Variants in VPS41 observed in about 807,000 individuals in gnomAD.
VPS41 encodes vacuolar protein sorting-associated protein 41 homolog.
Under a neutral mutation model 130.9 loss-of-function variants are expected in VPS41, and 85 were observed. The observed-to-expected ratio is 0.65, with a 90% CI of 0.55 to 0.78. The LOEUF is 0.78. Ranked by LOEUF, VPS41 falls within the 30% of genes least tolerant of loss-of-function variation. VPS41 has a pLI of 0.00. For synonymous variants in VPS41, 335 were observed against 332.9 expected, an observed-to-expected ratio of 1.01 and a Z score of -0.07; for missense variants, 874 against 1,018.7, an observed-to-expected ratio of 0.86 and a Z score of 1.93.
intron 14 of VPS41, among the ~76,000 whole-genome samples, chr7:38,770,986 T>G (rs1428271622): frequency 6.6e-6 from 1 of 152,186 alleles, no homozygotes; most frequent in African/African-American, 2.4e-5. Flanking sequence ...AGTTTCCAAA[T>G]TACCTAAAAC....
intron 2 of VPS41, among the ~76,000 whole-genome samples, chr7:38,871,898 A>T (rs59626436): frequency 6.6e-6 from 1 of 152,084 alleles, no homozygotes; most frequent in Non-Finnish European, 1.5e-5. Context: ...TAGGTTCAAG[A>T]AATCTTCTCG....
At chr7:38,767,707 C>A in intron 14 of VPS41, 109 bp from the exon 15 acceptor site, 1 of 619,070 alleles carries the variant, frequency 1.6e-6, no homozygotes, top group Non-Finnish European at 2.8e-6. Context: ...GCTCTACTGA[C>A]TATAACCTGT....
intron 3 of VPS41, among the ~76,000 whole-genome samples, chr7:38,866,900 G>C (rs1296659569): frequency 2.0e-5 from 3 of 152,134 alleles, no homozygotes; most frequent in Admixed American, 6.5e-5. Flanking sequence ...CCAGAATTTA[G>C]AATCAGCAAA....
chr7:38,809,487 TAC>T (rs555825749), intron 7 of VPS41, among the ~76,000 whole-genome samples: 10 of 151,916 alleles, frequency 6.6e-5, no homozygotes, highest in Admixed American at 6.6e-4. Context: ...TTTAAATATT[TAC>T]AGTTTTATAA....
At position 38,868,652 on chromosome 7, in the gene VPS41, C is replaced by T. The variant is rs117360074; in HGVS notation, c.168+494G>A. Among the ~76,000 whole-genome samples the T allele has an allele frequency of 2.2e-4, 34 of 152,172 alleles. No homozygotes were observed. The East Asian group carries it at 6.2e-3, about 28-fold the overall frequency. ...GGTGAGAGCTTTGTTACGGCAAGGA[C>T]CCAGATGTGGAATAAATTCATTCAT... On this transcript the variant is annotated intron_variant, in intron 3 of 28. Coordinates refer to ENST00000310301, the MANE Select transcript of VPS41 (RefSeq NM_014396.4).
At chr7:38,881,105 C>T (rs115134831) in intron 2 of VPS41, among the ~76,000 whole-genome samples, 2 of 152,120 alleles carry the variant, frequency 1.3e-5, no homozygotes, top group Admixed American at 1.3e-4. Context: ...TAGTATGAAG[C>T]GACACAAATT....
chr7:38,901,143 T>C lies in VPS41; in HGVS notation c.22-3014A>G, dbSNP rs189973772. 1.7e-4 allele frequency among the ~76,000 whole-genome samples: 26 copies of C among 152,214 alleles called. No homozygotes were observed. In the East Asian group the frequency reaches 5.0e-3, roughly 29 times the overall value. ...AATAAGCAAGACACAAAAGGACAAA[T>C]ATTGCATGATTCCACTTATATAACA... On this transcript the variant is annotated intron_variant, in intron 1 of 28. Coordinates refer to ENST00000310301, the MANE Select transcript of VPS41 (RefSeq NM_014396.4).
intron 4 of VPS41, among the ~76,000 whole-genome samples, chr7:38,859,443 T>A (rs2116298342): frequency 6.6e-6 from 1 of 152,282 alleles, no homozygotes; most frequent in South Asian, 2.1e-4. Context: ...TAAGTTCCAT[T>A]CATGATAAGT....
chr7:38,826,286 T>G (rs576263584), intron 5 of VPS41, among the ~76,000 whole-genome samples: 9 of 152,298 alleles, frequency 5.9e-5, no homozygotes, highest in Non-Finnish European at 1.3e-4. Context: ...CTAACCCAGG[T>G]TGAGGAAGAG....
At chr7:38,727,162 G>C in intron 27 of VPS41, 174 bp from the exon 28 acceptor site, 1 of 496,604 alleles carries the variant, frequency 2.0e-6, no homozygotes, top group Non-Finnish European at 3.4e-6. Context: ...CACAAAACAG[G>C]TATTATAATC....
intron 11 of VPS41, among the ~76,000 whole-genome samples, chr7:38,776,110 G>A (rs1784254777): frequency 6.6e-6 from 1 of 152,060 alleles, no homozygotes. Flanking sequence ...CCAAAGACAC[G>A]CACAACAAAA....
At chr7:38,820,732 G>A (rs1197848873) in intron 6 of VPS41, among the ~76,000 whole-genome samples, 1 of 152,092 alleles carries the variant, frequency 6.6e-6, no homozygotes, top group South Asian at 2.1e-4. Context: ...GAACTTTCTA[G>A]CCTCTCCATT....
At chr7:38,836,113 T>G (rs943145875) in intron 4 of VPS41, among the ~76,000 whole-genome samples, 1 of 152,066 alleles carries the variant, frequency 6.6e-6, no homozygotes, top group East Asian at 1.9e-4. Flanking sequence ...ATCTGATCCA[T>G]TTAGCATTGG....
intron 25 of VPS41, among the ~76,000 whole-genome samples, chr7:38,733,839 G>C (rs1182571080): frequency 1.3e-5 from 2 of 152,190 alleles, no homozygotes; most frequent in African/African-American, 2.4e-5. Context: ...AGCACTTTGA[G>C]AGGCTGTGAT....
intron 7 of VPS41, among the ~76,000 whole-genome samples, chr7:38,801,800 G>A (rs758102239): frequency 6.4e-4 from 97 of 152,166 alleles, no homozygotes; most frequent in Non-Finnish European, 1.2e-3. Context: ...TAGGCTATCC[G>A]AGTCTACTAG....
chr7:38,811,531 C>T lies in VPS41; in HGVS notation c.450+6286G>A, dbSNP rs17171468. 5.6e-3 allele frequency among the ~76,000 whole-genome samples: 847 copies of T among 151,728 alleles called. 11 individuals carry two copies. Among genetic ancestry groups the T allele is most frequent in the African/African-American group, 0.019 (804 of 41,384 alleles). Reference sequence around the variant, plus strand: ...ACATAAGTAAAATAAATTATAATGGCTTTTTTAAATAAATTATTCTAAATC... The same window carrying T: ...ACATAAGTAAAATAAATTATAATGGTTTTTTTAAATAAATTATTCTAAATC... On this transcript the variant is annotated intron_variant, in intron 7 of 28. Transcript: ENST00000310301.
chr7:38,737,102 G>A (rs4720299), intron 25 of VPS41, among the ~76,000 whole-genome samples: 51,601 of 152,048 alleles, frequency 0.34, 9,460 homozygotes, highest in Admixed American at 0.55. Context: ...CAGGCCAGGC[G>A]CGGTGGCTCA....
At chr7:38,730,889 G>A (rs1207655565) in intron 25 of VPS41, among the ~76,000 whole-genome samples, 3 of 152,172 alleles carry the variant, frequency 2.0e-5, no homozygotes, top group Non-Finnish European at 4.4e-5. Context: ...AGAGGCCACT[G>A]TGTCTACAAG....
intron 4 of VPS41, among the ~76,000 whole-genome samples, chr7:38,853,195 G>A (rs371145147): frequency 7.2e-5 from 11 of 152,114 alleles, no homozygotes; most frequent in East Asian, 1.9e-4. Context: ...CGAGGTGGGC[G>A]GATCACAAGA....
Sources: gnomAD v4.1 joint callset for allele counts (sites outside exome capture counted in the v4.1 genomes callset) on GRCh38, gnomAD v4.1.1 for gene constraint, MANE v1.5 for transcripts, NCBI Gene and HGNC (gene_info 2026-07-23, HGNC 2026-07-21) for gene names.